Variants in SCN2A observed in about 807,000 individuals in gnomAD.
SCN2A encodes the protein sodium voltage-gated channel alpha subunit 2, also known as sodium channel protein type 2 subunit alpha.
In SCN2A, 20 loss-of-function variants were observed where a neutral mutation model predicts 188.7. The ratio of observed to expected loss-of-function variants is 0.11; its 90% CI spans 0.07 to 0.15. The LOEUF is 0.15. Ranked by LOEUF, SCN2A falls within the 10% of genes least tolerant of loss-of-function variation. The probability of loss-of-function intolerance (pLI) is 1.00; values close to 1 mark genes in which losing one functional copy is unlikely to be tolerated. For synonymous variants in SCN2A, 804 were observed against 833.1 expected (o/e 0.97, Z 0.60); for missense variants, 1,278 against 2,445.0 (o/e 0.52, Z 10.07).
intron 12 of SCN2A, among the ~76,000 whole-genome samples, chr2:165,324,455 A>G (rs1009654844): frequency 6.6e-6 from 1 of 152,192 alleles, no homozygotes; most frequent in Non-Finnish European, 1.5e-5. Flanking sequence ...TAAAATAGCC[A>G]TTATCTTCTT....
At chr2:165,310,099 AT>A (rs1697350093) in intron 6 of SCN2A, among the ~76,000 whole-genome samples, 1 of 152,104 alleles carries the variant, frequency 6.6e-6, no homozygotes, top group African/African-American at 2.4e-5. Flanking sequence ...CATTTGGTTC[AT>A]TTCCATTCAC....
rs75608983 is a variant in SCN2A, at chr2:165,378,972, A to T, written c.4308+1322A>T. 1.9e-3 allele frequency among the ~76,000 whole-genome samples: 287 copies of T among 151,974 alleles called. 3 individuals are homozygous for T. In the East Asian group the frequency reaches 0.033, roughly 17 times the overall value. On this transcript the variant is annotated intron_variant, in intron 23 of 26. Coordinates refer to ENST00000375437, the MANE Select transcript of SCN2A (RefSeq NM_001040142.2). Reference sequence around the variant, plus strand: ...CAATACCAAGTTTTACCAAGGATAAACAGCAATAAGAACACTCGTACAATG... The same window carrying T: ...CAATACCAAGTTTTACCAAGGATAATCAGCAATAAGAACACTCGTACAATG...
chr2:165,329,197 A>T (rs3754963), intron 13 of SCN2A, among the ~76,000 whole-genome samples: 33,860 of 151,914 alleles, frequency 0.22, 4,386 homozygotes, highest in East Asian at 0.36. Flanking sequence ...AGGGTAATGG[A>T]TAGCCTCATG....
intron 5 of SCN2A, 184 bp from the exon 6 acceptor site, chr2:165,309,168 T>C: frequency 3.1e-6 from 5 of 1,613,306 alleles, no homozygotes; most frequent in Non-Finnish European, 4.2e-6. Flanking sequence ...TCTACAGGTA[T>C]GTAACAGAAT....
At chr2:165,336,897 A>C (rs12618468) in intron 14 of SCN2A, among the ~76,000 whole-genome samples, 1 of 151,990 alleles carries the variant, frequency 6.6e-6, no homozygotes, top group East Asian at 1.9e-4. Context: ...CCAATATTAA[A>C]CATATTCATG....
rs1697464594 is a variant in SCN2A at position 165,312,071 on chromosome 2, C to T, written c.1017C>T (p.Gly339=). Residue 339 remains glycine (G), a synonymous_variant, in exon 8 of 27, where the codon GGC becomes GGT. Transcript: ENST00000375437. ...GGCAAAATGATGCTCTGCTTTGTGG[C>T]AACAGCTCAGATGCAGGGTAAGTGA... ...LEGQNDALLC[G]NSSDAGQCPE... is the part of the protein sequence containing the mutation. 6.2e-7 allele frequency: 1 copy of T among 1,612,264 alleles called. No individual in the cohort carries two copies. Among genetic ancestry groups the T allele is most frequent in the South Asian group, 1.1e-5 (1 of 91,038 alleles).
chr2:165,375,057 T>A, intron 22 of SCN2A, 91 bp downstream of exon 22: 1 of 1,105,650 alleles, frequency 9.0e-7, no homozygotes, highest in Non-Finnish European at 1.3e-6. Flanking sequence ...CCTGTTAGAA[T>A]GGCTATTATC....
rs757194863 is a variant in SCN2A, at chr2:165,295,938, C to A, written c.115C>A (p.Gln39Lys). The A allele has an allele frequency of 6.2e-7, 1 of 1,613,968 alleles. No individual in the cohort carries two copies. The highest frequency in any genetic ancestry group is 1.3e-5 in the African/African-American group (1 of 74,912). Residue 39 changes from glutamine to lysine, a missense_variant, in exon 2 of 27, where the codon CAG becomes AAG. By Grantham distance (53) the Gln-to-Lys change is moderately conservative. This residue lies in a region of SCN2A where 141 missense variants were observed against 185.4 expected (regional missense o/e 0.76). Coordinates refer to ENST00000375437, the MANE Select transcript of SCN2A (RefSeq NM_001040142.2). ...IAEEKAKRPKQERKDEDDENG... is the reference protein window; with the variant it reads ...IAEEKAKRPKKERKDEDDENG... Reference sequence around the variant, plus strand: ...AGAAGAGAAAGCTAAGAGACCCAAACAGGAACGCAAGGATGAGGATGATGA... The same window carrying A: ...AGAAGAGAAAGCTAAGAGACCCAAAAAGGAACGCAAGGATGAGGATGATGA...
In SCN2A at chr2:165,255,052, T is replaced by A. The variant is rs562204312; in HGVS notation, c.-52+15412T>A. ...AAATAAACATCTGTTCAACTTTTGC[T>A]TTGTGATCTAATTTGGTACTTTGTG... On this transcript the variant is annotated intron_variant, in intron 1 of 26. Coordinates refer to ENST00000375437, the MANE Select transcript of SCN2A (RefSeq NM_001040142.2). Among the ~76,000 whole-genome samples the A allele has an allele frequency of 2.1e-4, 32 of 152,112 alleles. 1 individual carries two copies. In the South Asian group the frequency reaches 6.6e-3, roughly 32 times the overall value.
intron 14 of SCN2A, among the ~76,000 whole-genome samples, chr2:165,334,591 T>A (rs1248878626): frequency 2.6e-5 from 4 of 151,740 alleles, no homozygotes; most frequent in African/African-American, 9.7e-5. Flanking sequence ...ATAAAAACAC[T>A]CAGCAAACTT....
chr2:165,367,961 A>G (rs534751810), intron 19 of SCN2A, among the ~76,000 whole-genome samples: 1 of 152,270 alleles, frequency 6.6e-6, no homozygotes, highest in Admixed American at 6.5e-5. Flanking sequence ...TTTGCCATCC[A>G]TGGATGGCTT....
chr2:165,296,232 G>A, intron 2 of SCN2A, 142 bp downstream of exon 2: 2 of 793,622 alleles, frequency 2.5e-6, no homozygotes, highest in Non-Finnish European at 2.1e-6. Context: ...ACCGTGTAAT[G>A]GACCAATGAT....
At chr2:165,243,404 A>G (rs1481029819) in intron 1 of SCN2A, among the ~76,000 whole-genome samples, 2 of 152,012 alleles carry the variant, frequency 1.3e-5, no homozygotes, top group East Asian at 3.9e-4. Flanking sequence ...GGAGTTTGAG[A>G]CCAGCCTGGA....
At chr2:165,375,089 T>C in intron 22 of SCN2A, 123 bp downstream of exon 22, 1 of 868,174 alleles carries the variant, frequency 1.2e-6, no homozygotes, top group Non-Finnish European at 1.8e-6. Flanking sequence ...TGACAATAAA[T>C]GCTGGCAAGA....
At chr2:165,259,311 G>A (rs1168517627) in intron 1 of SCN2A, among the ~76,000 whole-genome samples, 1 of 152,208 alleles carries the variant, frequency 6.6e-6, no homozygotes, top group Admixed American at 6.5e-5. Flanking sequence ...TAAAGGTTGA[G>A]TGGCTGTGGC....
chr2:165,313,491 G>A lies in SCN2A; in HGVS notation c.1035-129G>A, dbSNP rs141691637. 1,882 of 932,728 alleles carry A rather than the reference G, an allele frequency of 2.0e-3. 18 individuals carry two copies. The African/African-American group carries it at 0.028, about 14-fold the overall frequency. 57.8% of individuals were successfully genotyped at this position (932,728 alleles called of 1,614,324 possible). A position where few individuals can be genotyped will look rare whatever the true frequency, so the allele number is the denominator to read the frequency against. On this transcript the variant is annotated intron_variant, in intron 8 of 26. Transcript: ENST00000375437. ...CACTTAGTGCTGAGTTAAGTACTGG[G>A]TAAGGTGAGAGAAATCGGCTTTTTT...
chr2:165,242,277 A>C (rs750263406), intron 1 of SCN2A, among the ~76,000 whole-genome samples: 69 of 152,180 alleles, frequency 4.5e-4, no homozygotes, highest in Non-Finnish European at 3.1e-4. Context: ...AGAAGTGAAG[A>C]TGACTGGGGG....
intron 14 of SCN2A, among the ~76,000 whole-genome samples, chr2:165,333,818 A>G (rs1427845420): frequency 6.6e-5 from 10 of 151,652 alleles, no homozygotes; most frequent in Non-Finnish European, 1.3e-4. Context: ...AGAAAAATCA[A>G]TAAAACCAAA....
chr2:165,327,007 C>T (rs1335917208), intron 13 of SCN2A, 23 bp downstream of exon 13: 1 of 1,613,520 alleles, frequency 6.2e-7, no homozygotes, highest in Non-Finnish European at 8.5e-7. Flanking sequence ...TCCTGCGTCA[C>T]AGTTACTTGG....
Sources: gnomAD v4.1 joint callset for allele counts (sites outside exome capture counted in the v4.1 genomes callset) on GRCh38, gnomAD v4.1.1 for gene constraint, gnomAD v4.1.1 regional missense constraint, MANE v1.5 for transcripts, NCBI Gene and HGNC (gene_info 2026-07-23, HGNC 2026-07-21) for gene names.